The following PCDH15 variants were observed in gnomAD, a reference collection of about 807,000 sequenced individuals.
PCDH15 encodes protocadherin-15.
In PCDH15, 129 loss-of-function variants were observed where a neutral mutation model predicts 178.5. That is an observed-to-expected ratio of 0.72 (90% confidence interval 0.63 to 0.84). PCDH15 has a LOEUF of 0.84. Ranked by LOEUF, PCDH15 falls within the 40% of genes least tolerant of loss-of-function variation. The probability of loss-of-function intolerance (pLI) is 0.00; values close to 1 mark genes in which losing one functional copy is unlikely to be tolerated. For synonymous variants in PCDH15, 800 were observed against 732.0 expected (o/e 1.09, Z -1.50); for missense variants, 2,230 against 2,099.9 (o/e 1.06, Z -1.21).
intron 2 of PCDH15, among the ~76,000 whole-genome samples, chr10:54,914,226 G>T (rs777287198): frequency 1.3e-5 from 2 of 152,000 alleles, no homozygotes; most frequent in African/African-American, 4.8e-5. Flanking sequence ...TGATTGGATC[G>T]GGAGGGCAGA....
rs561482212 is a variant in PCDH15 at position 54,048,264 on chromosome 10, TGTTG to T, written c.2220+18489_2220+18492del. ...TTAATGGCCTTATTTCTTTTTTGTT[TGTTG>T]AATTATTTTAAGTTCTTTATAGAAT... On this transcript the variant is annotated intron_variant, in intron 18 of 37. Coordinates refer to ENST00000644397, the MANE Select transcript of PCDH15 (RefSeq NM_001384140.1). Among the ~76,000 whole-genome samples the T allele has an allele frequency of 2.7e-5, 4 of 150,208 alleles. No individual in the cohort carries two copies. The South Asian group carries it at 8.3e-4, about 31-fold the overall frequency.
intron 8 of PCDH15, among the ~76,000 whole-genome samples, chr10:54,276,821 T>A (rs1203405456): frequency 6.6e-6 from 1 of 151,706 alleles, no homozygotes; most frequent in African/African-American, 2.4e-5. Flanking sequence ...ACATGTTCAG[T>A]ATATCATTTC....
chr10:54,220,430 T>C (rs897654872), intron 9 of PCDH15, among the ~76,000 whole-genome samples: 4 of 152,218 alleles, frequency 2.6e-5, no homozygotes, highest in Non-Finnish European at 4.4e-5. Context: ...GTAAACTCTT[T>C]CCTGTTATGC....
rs137937776 is a variant in PCDH15 at position 54,957,700 on chromosome 10, A to G, written c.-79-60200T>C. Reference sequence around the variant, plus strand: ...TACAATGATCAAAATGAAGGAATGTATTTGAATTATTTACATCTCCAACGT... The same window carrying G: ...TACAATGATCAAAATGAAGGAATGTGTTTGAATTATTTACATCTCCAACGT... On this transcript the variant is annotated intron_variant, in intron 2 of 5. Transcript: ENST00000458638. Among the ~76,000 whole-genome samples, 6 of 151,714 alleles carry G rather than the reference A, an allele frequency of 4.0e-5. No individual in the cohort carries two copies. The East Asian group carries it at 9.7e-4, about 24-fold the overall frequency.
intron 5 of PCDH15, among the ~76,000 whole-genome samples, chr10:54,360,885 A>T (rs542352533): frequency 6.6e-6 from 1 of 152,232 alleles, no homozygotes; most frequent in South Asian, 2.1e-4. Flanking sequence ...GAAAGTGCCC[A>T]TCTGTGAATA....
chr10:55,499,177 T>A (rs1840599225), intron 2 of PCDH15, among the ~76,000 whole-genome samples: 1 of 151,616 alleles, frequency 6.6e-6, no homozygotes, highest in Non-Finnish European at 1.5e-5. Context: ...AAATAGCTTA[T>A]CCAAACCCAG....
chr10:55,122,964 T>C (rs1260051945), intron 2 of PCDH15, among the ~76,000 whole-genome samples: 4 of 152,072 alleles, frequency 2.6e-5, no homozygotes, highest in Non-Finnish European at 5.9e-5. Context: ...AACTTAAATG[T>C]TCATCAAAAG....
chr10:54,007,175 C>T (rs1285334198), intron 20 of PCDH15, among the ~76,000 whole-genome samples: 4 of 152,102 alleles, frequency 2.6e-5, no homozygotes, highest in African/African-American at 4.8e-5. Context: ...TATGTTACAA[C>T]GCAGACTCTA....
At chr10:53,973,184 T>C (rs2134470703) in intron 21 of PCDH15, among the ~76,000 whole-genome samples, 1 of 150,960 alleles carries the variant, frequency 6.6e-6, no homozygotes, top group East Asian at 2.0e-4. Context: ...AGCAAAGTAT[T>C]GCAAGGACAG....
Position 53,810,642 on chromosome 10 carries a change from T to C in PCDH15, c.4585A>G (p.Ser1529Gly). The change falls in exon 37 of 38, where the codon AGT (serine) becomes GGT (glycine). Residue 1529 changes from serine (S) to glycine (G), a missense_variant. Coordinates refer to ENST00000644397, the MANE Select transcript of PCDH15 (RefSeq NM_001384140.1). ...EHGYEMPQYGSRRRLLPPAGQ... is the reference protein window; with the variant it reads ...EHGYEMPQYGGRRRLLPPAGQ... The stretch of plus-strand genomic sequence containing the variant: ...GCTGGTGGTAACAATCGACGGCGAC[T>C]CCCATATTGAGGCATTTCATACCTG... 3 of 1,613,804 alleles carry C rather than the reference T, an allele frequency of 1.9e-6. No homozygotes were observed. Among genetic ancestry groups the C allele is most frequent in the Non-Finnish European group, 2.5e-6 (3 of 1,179,774 alleles).
chr10:54,126,149 C>CA (rs1466515741), intron 15 of PCDH15, among the ~76,000 whole-genome samples: 1 of 150,680 alleles, frequency 6.6e-6, no homozygotes, highest in Non-Finnish European at 1.5e-5. Context: ...CAGCTCACTG[C>CA]AAGCTCCGCC....
intron 21 of PCDH15, among the ~76,000 whole-genome samples, chr10:53,973,231 A>G (rs2089900735): frequency 1.3e-5 from 2 of 148,730 alleles, no homozygotes; most frequent in Non-Finnish European, 3.0e-5. Context: ...CATAGGTGGG[A>G]ACTCAACAAT....
At chr10:54,293,886 C>T (rs1424069917) in intron 8 of PCDH15, among the ~76,000 whole-genome samples, 3 of 152,154 alleles carry the variant, frequency 2.0e-5, no homozygotes, top group Non-Finnish European at 4.4e-5. Context: ...TAAATTATTT[C>T]AACCAGTGTG....
At chr10:55,182,535 C>T (rs953343930) in intron 1 of PCDH15, among the ~76,000 whole-genome samples, 14 of 151,934 alleles carry the variant, frequency 9.2e-5, no homozygotes, top group Admixed American at 5.3e-4. Flanking sequence ...CCTTACTTTC[C>T]TCATCCATAA....
In PCDH15 at chr10:54,102,131, C is replaced by T. The variant is rs116090992; in HGVS notation, c.1918-12068G>A. Among the ~76,000 whole-genome samples, 531 of 152,274 alleles carry T rather than the reference C, an allele frequency of 3.5e-3. 2 individuals are homozygous for T. Among genetic ancestry groups the T allele is most frequent in the African/African-American group, 0.011 (457 of 41,562 alleles). ...GTGAAAACTGTTCTTAGTGAGTTCA[C>T]TAAGAACAGCCTGTCTTTCTCCCTT... is the stretch of plus-strand genomic sequence containing the variant. On this transcript the variant is annotated intron_variant, in intron 15 of 37. Transcript: ENST00000644397.
intron 1 of PCDH15, among the ~76,000 whole-genome samples, chr10:55,311,625 A>T (rs944714344): frequency 1.3e-5 from 2 of 152,200 alleles, no homozygotes; most frequent in Admixed American, 1.3e-4. Flanking sequence ...TGGAAAAATG[A>T]GGAGATTGAG....
chr10:54,522,237 A>G (rs1259293461), intron 3 of PCDH15, among the ~76,000 whole-genome samples: 1 of 152,156 alleles, frequency 6.6e-6, no homozygotes, highest in Non-Finnish European at 1.5e-5. Flanking sequence ...ATATGTTACT[A>G]GATGAGGTCA....
chr10:54,687,327 A>G (rs2095030638), intron 1 of PCDH15, among the ~76,000 whole-genome samples: 1 of 152,102 alleles, frequency 6.6e-6, no homozygotes, highest in Admixed American at 6.6e-5. Context: ...AAGAATCAAA[A>G]TTACACTCTC....
intron 2 of PCDH15, among the ~76,000 whole-genome samples, chr10:55,504,808 G>A (rs1167404972): frequency 6.6e-6 from 1 of 151,170 alleles, no homozygotes; most frequent in Non-Finnish European, 1.5e-5. Context: ...TTATCATTCA[G>A]AAAATAAATA....
Sources: gnomAD v4.1 joint callset for allele counts (sites outside exome capture counted in the v4.1 genomes callset) on GRCh38, gnomAD v4.1.1 for gene constraint, MANE v1.5 for transcripts, NCBI Gene and HGNC (gene_info 2026-07-23, HGNC 2026-07-21) for gene names.